Variants in DIP2A observed in about 807,000 individuals in gnomAD.
DIP2A encodes disco-interacting protein 2 homolog A.
A neutral mutation model predicts 177.4 loss-of-function variants in DIP2A; 85 were observed. The ratio of observed to expected loss-of-function variants is 0.48; its 90% CI spans 0.40 to 0.57. DIP2A has a LOEUF of 0.57. Among genes scored for constraint, DIP2A ranks in the 20% least tolerant of loss-of-function variants. DIP2A has a pLI of 0.00. For synonymous variants in DIP2A, 886 were observed against 881.8 expected, an observed-to-expected ratio of 1.00 and a Z score of -0.08; for missense variants, 1,791 against 2,100.2, an observed-to-expected ratio of 0.85 and a Z score of 2.88.
intron 19 of DIP2A, 51 bp downstream of exon 19, chr21:46,545,324 C>CA: frequency 6.4e-7 from 1 of 1,561,508 alleles, no homozygotes; most frequent in Non-Finnish European, 8.7e-7. Context: ...CATGAGCACT[C>CA]ATGGGGTCCC....
chr21:46,551,975 C>G, intron 25 of DIP2A, 71 bp downstream of exon 25: 5 of 1,481,464 alleles, frequency 3.4e-6, no homozygotes, highest in Non-Finnish European at 3.6e-6. Flanking sequence ...TTGTCTAGTT[C>G]ATGGTGCCAG....
At chr21:46,473,049 G>C (rs1305670837) in intron 1 of DIP2A, among the ~76,000 whole-genome samples, 1 of 152,170 alleles carries the variant, frequency 6.6e-6, no homozygotes, top group Non-Finnish European at 1.5e-5. Context: ...GCTAATGGCT[G>C]CTGTACTGGA....
At chr21:46,531,751 C>T (rs1400091224) in intron 9 of DIP2A, among the ~76,000 whole-genome samples, 1 of 152,208 alleles carries the variant, frequency 6.6e-6, no homozygotes, top group East Asian at 1.9e-4. Context: ...TACCAAACAT[C>T]TAGTCTGAAG....
rs1477068837 is a variant in DIP2A, at chr21:46,554,903, A to G, written c.3358A>G (p.Ile1120Val). 22 of 1,552,372 alleles carry G rather than the reference A, an allele frequency of 1.4e-5. No individual in the cohort carries two copies. The African/African-American group carries it at 1.5e-4, about 11-fold the overall frequency. The change falls in exon 28 of 38, where the codon ATC (isoleucine) becomes GTC (valine). Residue 1120 changes from isoleucine to valine, a missense_variant. By Grantham distance (29) the Ile-to-Val change is conservative. Coordinates refer to ENST00000417564, the MANE Select transcript of DIP2A (RefSeq NM_015151.4). ...RSKEAAAAVD[I>V]RTWPTILDTD... The stretch of plus-strand genomic sequence containing the variant: ...CAAGGAGGCTGCTGCTGCCGTGGAC[A>G]TCAGGACCTGGCCCACCATCCTAGA...
At position 46,560,951 on chromosome 21, in the gene DIP2A, T is replaced by C. The variant is rs369015050; in HGVS notation, c.4031+168T>C. On this transcript the variant is annotated intron_variant, in intron 33 of 37. Transcript: ENST00000417564. Reference sequence around the variant, plus strand: ...GCACATGAGAGGACAGCTGGCTACATTGGGCCATCTGCACCAAGAGGAAGA... The same window carrying C: ...GCACATGAGAGGACAGCTGGCTACACTGGGCCATCTGCACCAAGAGGAAGA... 18 of 985,322 alleles carry C rather than the reference T, an allele frequency of 1.8e-5. No homozygotes were observed. In the East Asian group the frequency reaches 1.7e-3, roughly 93 times the overall value. 61.0% of individuals were successfully genotyped at this position (985,322 alleles called of 1,614,324 possible).
chr21:46,540,324 C>T (rs561739420), intron 17 of DIP2A, among the ~76,000 whole-genome samples: 134 of 152,244 alleles, frequency 8.8e-4, no homozygotes, highest in Non-Finnish European at 9.1e-4. Context: ...GTCGGTCAGC[C>T]GTGGAGTCTG....
At chr21:46,530,343 T>G (rs1209686660) in intron 9 of DIP2A, among the ~76,000 whole-genome samples, 1 of 151,986 alleles carries the variant, frequency 6.6e-6, no homozygotes, top group Non-Finnish European at 1.5e-5. Flanking sequence ...AGCCAAGGAC[T>G]TTTAAGAAGG....
At chr21:46,505,247 C>A (rs1168241575) in intron 6 of DIP2A, among the ~76,000 whole-genome samples, 1 of 152,044 alleles carries the variant, frequency 6.6e-6, no homozygotes, top group Non-Finnish European at 1.5e-5. Context: ...ATTTATTACT[C>A]TTTATATTTA....
chr21:46,515,454 T>C (rs77704732), intron 8 of DIP2A, among the ~76,000 whole-genome samples: 10 of 77,128 alleles, frequency 1.3e-4, no homozygotes, highest in South Asian at 4.6e-4. Flanking sequence ...CACTTCCTCT[T>C]TTTTTTTTTT....
chr21:46,540,861 A>C (rs1291323029), intron 17 of DIP2A, among the ~76,000 whole-genome samples: 1 of 151,916 alleles, frequency 6.6e-6, no homozygotes, highest in African/African-American at 2.4e-5. Context: ...TGAAAATACA[A>C]AAAATTAGCC....
Position 46,538,344 on chromosome 21 carries a change from AGCTT to A in DIP2A, c.1802-137_1802-134del, listed in dbSNP as rs911190451. ...CTGCATGTGAGAGACGGCTGCAGAG[AGCTT>A]GTGACCTGGGAGCTAAGTGTTGTGT... On this transcript the variant is annotated intron_variant, in intron 15 of 37. Transcript: ENST00000417564. 29 of 1,265,198 alleles carry A rather than the reference AGCTT, an allele frequency of 2.3e-5. No homozygotes were observed. In the African/African-American group the frequency reaches 4.2e-4, roughly 18 times the overall value. The allele number at this position is 1,265,198 out of a possible 1,614,324, so 78.4% of individuals were successfully genotyped here. A position where few individuals can be genotyped will look rare whatever the true frequency, so the allele number is the denominator to read the frequency against.
chr21:46,559,654 G>T (rs2060600256), intron 32 of DIP2A, among the ~76,000 whole-genome samples: 1 of 152,220 alleles, frequency 6.6e-6, no homozygotes, highest in South Asian at 2.1e-4. Flanking sequence ...GGAAGGGTAT[G>T]GATGCCACAC....
At chr21:46,533,393 T>C in intron 10 of DIP2A, 131 bp from the exon 11 acceptor site, 1 of 1,064,978 alleles carries the variant, frequency 9.4e-7, no homozygotes, top group South Asian at 2.1e-5. Flanking sequence ...ATAATGGGAC[T>C]GAATTATTCT....
At chr21:46,527,681 G>A (rs2059159441) in intron 8 of DIP2A, among the ~76,000 whole-genome samples, 1 of 151,706 alleles carries the variant, frequency 6.6e-6, no homozygotes, top group Non-Finnish European at 1.5e-5. Flanking sequence ...TTATTTCATA[G>A]TGTTGCACCT....
chr21:46,528,520 C>A (rs1180508235), intron 8 of DIP2A, among the ~76,000 whole-genome samples: 1 of 37,652 alleles, frequency 2.7e-5, no homozygotes. Flanking sequence ...CTGACTTTTT[C>A]TGCTTGCTTT....
intron 31 of DIP2A, 125 bp from the exon 32 acceptor site, chr21:46,558,098 C>T (rs1247547099): frequency 1.4e-5 from 14 of 982,290 alleles, no homozygotes; most frequent in East Asian, 1.3e-4. Flanking sequence ...ACACAGCCTG[C>T]GGAGAGGAGG....
rs2054049558 is a variant in DIP2A, at chr21:46,459,229, C to T, written c.91+7C>T. The T allele has an allele frequency of 7.9e-6, 12 of 1,521,530 alleles. 2 individuals are homozygous for T. The highest frequency in any genetic ancestry group is 4.3e-5 in the African/African-American group (3 of 69,208). The allele number at this position is 1,521,530 out of a possible 1,614,324, so 94.3% of individuals were successfully genotyped here. A position where few individuals can be genotyped will look rare whatever the true frequency, so the allele number is the denominator to read the frequency against. On this transcript the variant is annotated splice_region_variant and intron_variant, in intron 1 of 37. Transcript: ENST00000417564. ...GAGCTGGAGCTGTCGGAAGGTGAGC[C>T]GGACCCCGCCCTCAACCCCCGCGAC...
chr21:46,556,682 C>CAAA lies in DIP2A; in HGVS notation c.3499-245_3499-243dup. ...TGGGCGACAGAGCAAGACTCTGCCT[C>CAAA]AAAAAAAAAAAAAAGAAAAAAATTT... On this transcript the variant is annotated intron_variant, in intron 29 of 37. Coordinates refer to ENST00000417564, the MANE Select transcript of DIP2A (RefSeq NM_015151.4). This position sits in a 1 kb window ranked among gnomAD's most constrained non-coding sequence, Gnocchi z 4.5. The CAAA allele has an allele frequency of 1.3e-4, 30 of 229,298 alleles. No individual in the cohort carries two copies. The highest frequency in any genetic ancestry group is 1.6e-4 in the Non-Finnish European group (21 of 131,090). 14.2% of individuals were successfully genotyped at this position (229,298 alleles called of 1,614,324 possible). A position where few individuals can be genotyped will look rare whatever the true frequency, so the allele number is the denominator to read the frequency against.
intron 9 of DIP2A, among the ~76,000 whole-genome samples, chr21:46,531,133 G>T (rs924347405): frequency 6.7e-6 from 1 of 149,510 alleles, no homozygotes; most frequent in African/African-American, 2.4e-5. Context: ...ATCACTGGCA[G>T]CAGTCCAGGG....
Sources: gnomAD v4.1 joint callset for allele counts (sites outside exome capture counted in the v4.1 genomes callset) on GRCh38, gnomAD v4.1.1 for gene constraint, Gnocchi (gnomAD v3.1) non-coding constraint, MANE v1.5 for transcripts, NCBI Gene and HGNC (gene_info 2026-07-23, HGNC 2026-07-21) for gene names.